CDH9: variants seen among roughly 807,000 people sequenced by gnomAD.
CDH9 encodes cadherin 9.
Under a neutral mutation model 70.9 loss-of-function variants are expected in CDH9, and 28 were observed. The ratio of observed to expected loss-of-function variants is 0.40; its 90% CI spans 0.29 to 0.54. The LOEUF (loss-of-function observed/expected upper bound fraction) is 0.54, where lower values mean the gene tolerates loss of function less well. CDH9 is among the 20% of genes least tolerant of loss of function. CDH9 has a pLI of 0.59. For synonymous variants in CDH9, 409 were observed against 343.1 expected, an observed-to-expected ratio of 1.19 and a Z score of -2.12; for missense variants, 874 against 984.4, an observed-to-expected ratio of 0.89 and a Z score of 1.50.
chr5:26,944,698 A>G (rs1268049174), intron 2 of CDH9, among the ~76,000 whole-genome samples: 1 of 152,166 alleles, frequency 6.6e-6, no homozygotes, highest in African/African-American at 2.4e-5. Flanking sequence ...ATAATTTATT[A>G]TTAGCTGTTC....
At chr5:26,902,436 A>C in intron 7 of CDH9, 40 bp downstream of exon 7, 1 of 1,389,208 alleles carries the variant, frequency 7.2e-7, no homozygotes, top group Non-Finnish European at 1.0e-6. Flanking sequence ...TGAGATTATT[A>C]TATTTCTAAA....
Position 26,969,327 on chromosome 5 carries a change from T to C in CDH9, c.228+18779A>G, listed in dbSNP as rs115488658. On this transcript the variant is annotated intron_variant, in intron 2 of 11. Transcript: ENST00000231021. ...ATTTTTGGATACTCTAGCTAAAATG[T>C]ACTTCATAATCCCCTGCCAAGTATT... 5.4e-3 allele frequency among the ~76,000 whole-genome samples: 821 copies of C among 152,292 alleles called. 7 individuals carry two copies. The highest frequency in any genetic ancestry group is 0.019 in the African/African-American group (770 of 41,576).
chr5:26,947,116 C>T (rs998697114), intron 2 of CDH9, among the ~76,000 whole-genome samples: 1 of 152,062 alleles, frequency 6.6e-6, no homozygotes, highest in Non-Finnish European at 1.5e-5. Flanking sequence ...GCCATTCAAC[C>T]AGATTTAATG....
intron 2 of CDH9, among the ~76,000 whole-genome samples, chr5:26,934,328 T>C (rs1484879279): frequency 6.6e-6 from 1 of 152,030 alleles, no homozygotes; most frequent in Non-Finnish European, 1.5e-5. Context: ...TAATCAGGCA[T>C]TGTGGTATGC....
intron 2 of CDH9, among the ~76,000 whole-genome samples, chr5:26,941,357 CTT>C: frequency 6.6e-6 from 1 of 152,302 alleles, no homozygotes; most frequent in East Asian, 1.9e-4. Context: ...CTTCCAGACT[CTT>C]TGAAACCATG....
chr5:27,034,087 C>T (rs962586358), intron 1 of CDH9, among the ~76,000 whole-genome samples: 1 of 151,522 alleles, frequency 6.6e-6, no homozygotes, highest in African/African-American at 2.4e-5. Context: ...TAAAGTATGT[C>T]GACTGCAGCA....
At chr5:26,960,729 T>A (rs1483884259) in intron 2 of CDH9, among the ~76,000 whole-genome samples, 1 of 152,062 alleles carries the variant, frequency 6.6e-6, no homozygotes, top group Non-Finnish European at 1.5e-5. Context: ...TGTTCTTTTC[T>A]AGAATCTTTC....
intron 1 of CDH9, among the ~76,000 whole-genome samples, chr5:27,027,393 A>G (rs1743237797): frequency 6.6e-6 from 1 of 152,048 alleles, no homozygotes; most frequent in African/African-American, 2.4e-5. Context: ...ACTTTTGTAT[A>G]TGGTGGGTCT....
At chr5:27,006,445 T>C (rs977213568) in intron 1 of CDH9, among the ~76,000 whole-genome samples, 3 of 152,074 alleles carry the variant, frequency 2.0e-5, no homozygotes, top group African/African-American at 7.2e-5. Context: ...AGGAGTTCTA[T>C]TCTCCTCTAT....
intron 2 of CDH9, among the ~76,000 whole-genome samples, chr5:26,967,327 T>G (rs954316454): frequency 1.3e-5 from 2 of 152,146 alleles, no homozygotes; most frequent in African/African-American, 2.4e-5. Context: ...ACCAGTGTCA[T>G]CAAACACTAT....
chr5:26,993,698 CAAAAAAA>C (rs34545141), intron 1 of CDH9, among the ~76,000 whole-genome samples: 32 of 51,004 alleles, frequency 6.3e-4, no homozygotes, highest in South Asian at 2.6e-3. Flanking sequence ...TATTCAGCTG[CAAAAAAA>C]AAAAAAAAAA....
chr5:27,009,941 T>C (rs1288686196), intron 1 of CDH9, among the ~76,000 whole-genome samples: 4 of 152,080 alleles, frequency 2.6e-5, no homozygotes, highest in African/African-American at 9.7e-5. Flanking sequence ...TTGAGCTTTG[T>C]TAGGTGAGAC....
intron 1 of CDH9, among the ~76,000 whole-genome samples, chr5:27,001,842 A>ACCCTCTCTCTCTCT (rs1430161167): frequency 7.9e-6 from 1 of 125,866 alleles, no homozygotes; most frequent in African/African-American, 3.1e-5. Context: ...ACACACACAC[A>ACCCTCTCTCTCTCT]CACTCTCTCT....
intron 1 of CDH9, among the ~76,000 whole-genome samples, chr5:27,005,222 A>T (rs1003452320): frequency 4.6e-5 from 7 of 152,188 alleles, no homozygotes; most frequent in African/African-American, 1.7e-4. Flanking sequence ...AATTATGTAC[A>T]GTATTTGATT....
At chr5:26,996,503 C>G (rs554746421) in intron 1 of CDH9, among the ~76,000 whole-genome samples, 22 of 151,968 alleles carry the variant, frequency 1.4e-4, no homozygotes, top group African/African-American at 5.1e-4. Context: ...GGAGACAAGT[C>G]TTGACAGCTT....
chr5:26,907,032 TTTTG>T (rs1168676120), intron 3 of CDH9, among the ~76,000 whole-genome samples, 194 bp from the exon 4 acceptor site: 4 of 152,316 alleles, frequency 2.6e-5, no homozygotes, highest in Admixed American at 2.6e-4. Flanking sequence ...TTCTTAATTT[TTTTG>T]TTTATCTAAG....
At chr5:26,899,781 A>T (rs1421743083) in intron 7 of CDH9, among the ~76,000 whole-genome samples, 4 of 151,866 alleles carry the variant, frequency 2.6e-5, no homozygotes. Flanking sequence ...TGACGGTTTG[A>T]TGGGTGCAGC....
In CDH9 at chr5:26,970,363, G is replaced by A. The variant is rs189494904; in HGVS notation, c.228+17743C>T. 3.8e-3 allele frequency among the ~76,000 whole-genome samples: 571 copies of A among 151,878 alleles called. 1 individual carries two copies. Among genetic ancestry groups the A allele is most frequent in the African/African-American group, 0.012 (517 of 41,460 alleles). Reference sequence around the variant, plus strand: ...ATGTAAAGAAATGACCATGAGTCACGTTATTTTACAGTAAAGAATAATCCT... The same window carrying A: ...ATGTAAAGAAATGACCATGAGTCACATTATTTTACAGTAAAGAATAATCCT... On this transcript the variant is annotated intron_variant, in intron 2 of 11. Transcript: ENST00000231021.
At chr5:26,934,404 A>G (rs1354873073) in intron 2 of CDH9, among the ~76,000 whole-genome samples, 2 of 152,124 alleles carry the variant, frequency 1.3e-5, no homozygotes, top group East Asian at 1.9e-4. Flanking sequence ...AATTGAGGCT[A>G]TAGTGAACTG....
Sources: allele counts gnomAD v4.1 joint callset (sites outside exome capture counted in the v4.1 genomes callset), GRCh38; gene constraint gnomAD v4.1.1; transcripts MANE v1.5; gene names NCBI Gene and HGNC (gene_info 2026-07-23, HGNC 2026-07-21).